Variants in IFT43 observed in about 807,000 individuals in gnomAD.
IFT43 encodes the protein intraflagellar transport 43.
IFT43 carries 33 observed loss-of-function variants against 32.3 expected under a neutral mutation model. That is an observed-to-expected ratio of 1.02 (90% CI 0.77 to 1.37). IFT43 has a LOEUF of 1.37. Ranked by LOEUF, IFT43 falls within the 40% of genes most tolerant of loss-of-function variation. IFT43 has a pLI of 0.00. For synonymous variants in IFT43, 93 were observed against 98.2 expected, an observed-to-expected ratio of 0.95 and a Z score of 0.31; for missense variants, 274 against 265.9, an observed-to-expected ratio of 1.03 and a Z score of -0.21.
intron 2 of IFT43, among the ~76,000 whole-genome samples, chr14:76,017,640 T>G (rs2036213728): frequency 6.6e-6 from 1 of 152,162 alleles, no homozygotes; most frequent in Non-Finnish European, 1.5e-5. Context: ...TGTTTGTTCT[T>G]TTAAGTTTGG....
chr14:76,005,593 T>C (rs541548940), intron 2 of IFT43, among the ~76,000 whole-genome samples: 1 of 152,230 alleles, frequency 6.6e-6, no homozygotes, highest in Non-Finnish European at 1.5e-5. Flanking sequence ...GTGTATGTAT[T>C]TGGGGGCTCC....
intron 2 of IFT43, among the ~76,000 whole-genome samples, chr14:76,017,915 A>G (rs2036218951): frequency 1.3e-5 from 2 of 151,364 alleles, no homozygotes; most frequent in African/African-American, 4.9e-5. Flanking sequence ...CTCATTTATG[A>G]TTTTATTTAT....
intron 8 of IFT43, 21 bp downstream of exon 8, chr14:76,083,310 C>A (rs758139022): frequency 6.2e-7 from 1 of 1,610,472 alleles, no homozygotes; most frequent in Non-Finnish European, 8.5e-7. Flanking sequence ...GGCAGCAATT[C>A]CCCGGTCTCT....
At chr14:76,069,647 C>T (rs2037285915) in intron 5 of IFT43, among the ~76,000 whole-genome samples, 1 of 152,200 alleles carries the variant, frequency 6.6e-6, no homozygotes, top group Non-Finnish European at 1.5e-5. Context: ...ATGGACTCAA[C>T]TTTCAAAAGT....
intron 2 of IFT43, among the ~76,000 whole-genome samples, chr14:76,005,922 A>G (rs2035971696): frequency 6.7e-6 from 1 of 150,052 alleles, no homozygotes; most frequent in Admixed American, 6.6e-5. Context: ...CTACTTTCCC[A>G]TTATGTGCCA....
intron 3 of IFT43, among the ~76,000 whole-genome samples, chr14:76,056,595 A>G (rs1179476581): frequency 6.6e-6 from 1 of 152,082 alleles, no homozygotes; most frequent in Non-Finnish European, 1.5e-5. Flanking sequence ...GGAGACAAAT[A>G]TGTCTCTTAT....
At chr14:76,009,226 G>A (rs750936476) in intron 2 of IFT43, among the ~76,000 whole-genome samples, 28 of 152,202 alleles carry the variant, frequency 1.8e-4, no homozygotes, top group Non-Finnish European at 2.9e-4. Flanking sequence ...ACACACCTGG[G>A]TTTGAATCCT....
chr14:76,058,966 AG>A, intron 4 of IFT43: 1 of 1,436,164 alleles, frequency 7.0e-7, no homozygotes, highest in South Asian at 1.5e-5. Flanking sequence ...ATAGATGGGC[AG>A]AAGCAATACC....
chr14:76,019,609 A>G (rs1566710451), intron 2 of IFT43, among the ~76,000 whole-genome samples: 1 of 152,126 alleles, frequency 6.6e-6, no homozygotes, highest in Non-Finnish European at 1.5e-5. Context: ...GAATATCTAT[A>G]TCTCTTTCAA....
rs2036324516 is a variant in IFT43 at position 76,023,072 on chromosome 14, C to A, written c.215+678C>A. Among the ~76,000 whole-genome samples the A allele has an allele frequency of 2.6e-5, 4 of 152,334 alleles. No individual in the cohort carries two copies. The South Asian group carries it at 6.2e-4, about 24-fold the overall frequency. Reference sequence around the variant, plus strand: ...CTGGGAAGGCTGGGAAACCTGATGTCACAGTGCATGTAGCAGCACTTTATA... The same window carrying A: ...CTGGGAAGGCTGGGAAACCTGATGTAACAGTGCATGTAGCAGCACTTTATA... On this transcript the variant is annotated intron_variant, in intron 3 of 8. Coordinates refer to ENST00000314067, the MANE Select transcript of IFT43 (RefSeq NM_001102564.3).
chr14:76,013,297 A>G (rs995942612), intron 2 of IFT43, among the ~76,000 whole-genome samples: 3 of 152,242 alleles, frequency 2.0e-5, no homozygotes, highest in Non-Finnish European at 4.4e-5. Context: ...CCAAATGGAA[A>G]GATGTGTGAA....
At chr14:76,025,401 C>A (rs959337596) in intron 3 of IFT43, among the ~76,000 whole-genome samples, 1 of 152,088 alleles carries the variant, frequency 6.6e-6, no homozygotes, top group Non-Finnish European at 1.5e-5. Context: ...AACGCTATTT[C>A]TATTAAACTA....
At chr14:76,081,591 A>T (rs1166822725) in intron 5 of IFT43, among the ~76,000 whole-genome samples, 1 of 152,196 alleles carries the variant, frequency 6.6e-6, no homozygotes, top group African/African-American at 2.4e-5. Context: ...ATTTTGTTGG[A>T]CTGGTGGAAG....
chr14:76,071,965 C>T (rs957752570), intron 5 of IFT43, among the ~76,000 whole-genome samples: 1 of 152,048 alleles, frequency 6.6e-6, no homozygotes, highest in Non-Finnish European at 1.5e-5. Context: ...ACCTGTTTTC[C>T]AGCCTCCTGT....
chr14:76,083,110 T>A (rs1274956943), intron 7 of IFT43, 117 bp from the exon 8 acceptor site: 2 of 1,023,442 alleles, frequency 2.0e-6, no homozygotes, highest in Non-Finnish European at 3.1e-6. Context: ...AAGGCATTCC[T>A]GCAGGTCTCA....
intron 2 of IFT43, among the ~76,000 whole-genome samples, chr14:75,999,658 A>G (rs1237964918): frequency 6.6e-6 from 1 of 152,194 alleles, no homozygotes; most frequent in East Asian, 1.9e-4. Flanking sequence ...AAGGCTTTCT[A>G]AAAGAGGCAG....
At chr14:75,986,173 G>A (rs947079787) in intron 1 of IFT43, 1 of 1,332,988 alleles carries the variant, frequency 7.5e-7, no homozygotes, top group African/African-American at 1.5e-5. Flanking sequence ...CAGGGTGATA[G>A]GGGAGCCCCG....
chr14:75,991,483 A>G (rs1028925071), intron 2 of IFT43, among the ~76,000 whole-genome samples: 3 of 151,472 alleles, frequency 2.0e-5, no homozygotes, highest in Non-Finnish European at 2.9e-5. Flanking sequence ...ATAGCCACCT[A>G]TGGTAGTTAG....
At chr14:76,028,126 C>T (rs2036439754) in intron 3 of IFT43, among the ~76,000 whole-genome samples, 1 of 152,122 alleles carries the variant, frequency 6.6e-6, no homozygotes, top group Admixed American at 6.5e-5. Context: ...GTGACATCAG[C>T]TGATCCCTTG....
Sources: gnomAD v4.1 joint callset for allele counts (sites outside exome capture counted in the v4.1 genomes callset) on GRCh38, gnomAD v4.1.1 for gene constraint, MANE v1.5 for transcripts, NCBI Gene and HGNC (gene_info 2026-07-23, HGNC 2026-07-21) for gene names.